Variants in LRMDA observed in about 807,000 individuals in gnomAD.
LRMDA encodes leucine-rich melanocyte differentiation-associated protein.
LRMDA carries 18 observed loss-of-function variants against 29.8 expected under a neutral mutation model. The ratio of observed to expected loss-of-function variants is 0.60; its 90% CI spans 0.42 to 0.90. The LOEUF is 0.90. Among genes scored for constraint, LRMDA ranks in the 40% least tolerant of loss-of-function variants. The pLI is 0.00. For missense variants in LRMDA, 273 were observed against 273.9 expected (o/e 1.00, Z 0.02); for synonymous variants, 125 against 109.4 (o/e 1.14, Z -0.89).
At chr10:75,908,375 T>C (rs1201026632) in intron 2 of LRMDA, among the ~76,000 whole-genome samples, 2 of 152,236 alleles carry the variant, frequency 1.3e-5, no homozygotes, top group Non-Finnish European at 2.9e-5. Flanking sequence ...GTCTCTAGGC[T>C]GACCCATATA....
intron 2 of LRMDA, among the ~76,000 whole-genome samples, chr10:75,895,477 G>A (rs1049630490): frequency 1.6e-4 from 24 of 152,158 alleles, no homozygotes; most frequent in Non-Finnish European, 3.1e-4. Flanking sequence ...ACTTGCTGAA[G>A]GTCACACAGC....
chr10:75,638,584 C>T (rs1233391988), intron 2 of LRMDA, among the ~76,000 whole-genome samples: 1 of 152,198 alleles, frequency 6.6e-6, no homozygotes, highest in South Asian at 2.1e-4. Flanking sequence ...TGATGTCCAG[C>T]ATATATTTTG....
At position 76,070,349 on chromosome 10, in the gene LRMDA, C is replaced by A. The variant is rs74495832; in HGVS notation, c.516+11566C>A. On this transcript the variant is annotated intron_variant, in intron 5 of 6. Transcript: ENST00000611255. ...TAAACAACAGAAATGCATTTTCTTG[C>A]AGTTCTGAAGTCCAGAAGTTCAAGG... 2.2e-3 allele frequency among the ~76,000 whole-genome samples: 335 copies of A among 152,308 alleles called. 4 individuals carry two copies. Among genetic ancestry groups the A allele is most frequent in the African/African-American group, 7.0e-3 (291 of 41,558 alleles).
At chr10:75,968,819 G>A (rs1258498778) in intron 2 of LRMDA, among the ~76,000 whole-genome samples, 1 of 152,098 alleles carries the variant, frequency 6.6e-6, no homozygotes, top group African/African-American at 2.4e-5. Flanking sequence ...GCAAGTGAGT[G>A]GAAAAATTGT....
At chr10:76,437,833 T>C (rs1842260625) in intron 6 of LRMDA, among the ~76,000 whole-genome samples, 1 of 152,196 alleles carries the variant, frequency 6.6e-6, no homozygotes, top group Non-Finnish European at 1.5e-5. Flanking sequence ...TGATGGTCAT[T>C]GCTAAAGCTT....
At chr10:75,830,999 AGGGGC>A (rs1844332000) in intron 2 of LRMDA, among the ~76,000 whole-genome samples, 1 of 152,178 alleles carries the variant, frequency 6.6e-6, no homozygotes, top group African/African-American at 2.4e-5. Context: ...GCCAAAAGAA[AGGGGC>A]TATTGGCCCC....
chr10:76,161,555 CA>C (rs888006802), intron 5 of LRMDA, among the ~76,000 whole-genome samples: 10 of 152,302 alleles, frequency 6.6e-5, no homozygotes, highest in African/African-American at 2.2e-4. Context: ...GTCATCTTGG[CA>C]AATACATTGT....
At chr10:75,474,448 A>AGG (rs1005541114) in intron 2 of LRMDA, among the ~76,000 whole-genome samples, 1 of 152,206 alleles carries the variant, frequency 6.6e-6, no homozygotes, top group Non-Finnish European at 1.5e-5. Context: ...AGAAGGGGCA[A>AGG]GGGGTCTGTT....
chr10:76,095,469 T>A (rs1237914666), intron 5 of LRMDA, among the ~76,000 whole-genome samples: 11 of 152,348 alleles, frequency 7.2e-5, no homozygotes, highest in Middle Eastern at 3.4e-3. Context: ...ATGAAATTTG[T>A]GTGTGGACGT....
intron 6 of LRMDA, among the ~76,000 whole-genome samples, chr10:76,336,891 C>T (rs1404357434): frequency 2.0e-5 from 3 of 152,128 alleles, no homozygotes; most frequent in African/African-American, 7.2e-5. Context: ...TCCTCCTACA[C>T]AAATTTCTTT....
chr10:75,531,921 C>T (rs76064213), intron 2 of LRMDA, among the ~76,000 whole-genome samples: 2,831 of 151,860 alleles, frequency 0.019, 43 homozygotes, highest in Non-Finnish European at 0.028. Flanking sequence ...TGGTGTGCAC[C>T]TGTAGTCCTA....
At chr10:75,560,295 A>G (rs996788028) in intron 2 of LRMDA, among the ~76,000 whole-genome samples, 20 of 152,020 alleles carry the variant, frequency 1.3e-4, no homozygotes, top group African/African-American at 3.4e-4. Flanking sequence ...CTTTGAAACA[A>G]TTGTGAATGG....
At chr10:76,449,447 G>GT (rs1295274427) in intron 6 of LRMDA, among the ~76,000 whole-genome samples, 2 of 151,720 alleles carry the variant, frequency 1.3e-5, no homozygotes, top group East Asian at 3.9e-4. Flanking sequence ...TGCTATCATT[G>GT]TTTTTTGCAA....
chr10:75,990,926 T>C (rs2132459093), intron 2 of LRMDA, among the ~76,000 whole-genome samples: 1 of 150,104 alleles, frequency 6.7e-6, no homozygotes, highest in African/African-American at 2.5e-5. Flanking sequence ...TCTGGGAGGC[T>C]TGTTTGGATT....
chr10:75,876,594 TTC>T (rs1236589593), intron 2 of LRMDA, among the ~76,000 whole-genome samples: 1 of 152,140 alleles, frequency 6.6e-6, no homozygotes, highest in Non-Finnish European at 1.5e-5. Context: ...GTCTAGAACT[TTC>T]TATTCATGGG....
chr10:76,415,383 A>AT (rs966463375), intron 6 of LRMDA, among the ~76,000 whole-genome samples: 25 of 151,358 alleles, frequency 1.7e-4, no homozygotes, highest in South Asian at 6.3e-4. Context: ...GGGTGCTGTC[A>AT]TTTTTTTTTG....
At chr10:75,505,386 C>T (rs1845158590) in intron 2 of LRMDA, among the ~76,000 whole-genome samples, 1 of 152,076 alleles carries the variant, frequency 6.6e-6, no homozygotes, top group African/African-American at 2.4e-5. Context: ...TGCTTACATC[C>T]CAAGGGTCAG....
At chr10:76,289,531 T>A (rs1169423193) in intron 5 of LRMDA, among the ~76,000 whole-genome samples, 2 of 152,210 alleles carry the variant, frequency 1.3e-5, no homozygotes, top group African/African-American at 4.8e-5. Context: ...TATAAGGAGT[T>A]CAATATTAGG....
At chr10:76,520,389 T>C (rs984543205) in intron 6 of LRMDA, among the ~76,000 whole-genome samples, 21 of 152,152 alleles carry the variant, frequency 1.4e-4, no homozygotes, top group African/African-American at 4.6e-4. Flanking sequence ...GATACTGTTT[T>C]AAAAATTACA....
Sources: gnomAD v4.1 joint callset for allele counts (sites outside exome capture counted in the v4.1 genomes callset) on GRCh38, gnomAD v4.1.1 for gene constraint, MANE v1.5 for transcripts, NCBI Gene and HGNC (gene_info 2026-07-23, HGNC 2026-07-21) for gene names.